EML6: variants seen among roughly 807,000 people sequenced by gnomAD.
EML6 encodes EMAP like 6, also known as echinoderm microtubule-associated protein-like 6.
A neutral mutation model predicts 240.1 loss-of-function variants in EML6; 154 were observed. The observed-to-expected ratio is 0.64, with a 90% CI of 0.56 to 0.73. EML6 has a LOEUF of 0.73. Ranked by LOEUF, EML6 falls within the 30% of genes least tolerant of loss-of-function variation. The pLI, the probability that EML6 is intolerant of heterozygous loss-of-function variation, is 0.00. For synonymous variants in EML6, 1,148 were observed against 899.0 expected (o/e 1.28, Z -4.95); for missense variants, 2,964 against 2,474.6 (o/e 1.20, Z -4.20).
At chr2:54,798,837 A>G (rs1669959878) in intron 2 of EML6, among the ~76,000 whole-genome samples, 1 of 152,234 alleles carries the variant, frequency 6.6e-6, no homozygotes, top group East Asian at 1.9e-4. Flanking sequence ...AAAAATAAAA[A>G]TCCTTGCCTT....
intron 2 of EML6, among the ~76,000 whole-genome samples, chr2:54,748,107 C>A (rs1322015296): frequency 6.6e-6 from 1 of 152,032 alleles, no homozygotes; most frequent in Non-Finnish European, 1.5e-5. Flanking sequence ...TTTATTAATT[C>A]TGGCAAGACA....
At chr2:54,925,904 C>T (rs948485265) in intron 26 of EML6, among the ~76,000 whole-genome samples, 1 of 152,160 alleles carries the variant, frequency 6.6e-6, no homozygotes, top group African/African-American at 2.4e-5. Flanking sequence ...TAAAACCCTC[C>T]ATGCCCTCAA....
rs1352116284 is a variant in EML6 at position 54,790,720 on chromosome 2, TTTCC to T, written c.198-22509_198-22506del. On this transcript the variant is annotated intron_variant, in intron 2 of 41. Transcript: ENST00000356458. ...GTATAGAGGACATTGGTAACTTAAT[TTTCC>T]TTTTTTTTTTTTTTTTTTTGAGACG... 2.9e-5 allele frequency among the ~76,000 whole-genome samples: 4 copies of T among 140,086 alleles called. No individual in the cohort carries two copies. The East Asian group carries it at 8.5e-4, about 30-fold the overall frequency. 91.9% of individuals were successfully genotyped at this position (140,086 alleles called of 152,430 possible).
rs151221673 is a variant in EML6, at chr2:54,930,803, A to G, written c.4004+2052A>G. Among the ~76,000 whole-genome samples the G allele has an allele frequency of 2.7e-3, 415 of 152,220 alleles. 3 individuals carry two copies. The highest frequency in any genetic ancestry group is 4.8e-3 in the Non-Finnish European group (325 of 68,002). On this transcript the variant is annotated intron_variant, in intron 28 of 41. Transcript: ENST00000356458. ...GGAGCAGAGTGGGGCCCTGCCAGGT[A>G]GGGTCAGCTAGTAAAGAGCAATAAA...
intron 2 of EML6, among the ~76,000 whole-genome samples, chr2:54,783,599 G>A (rs1241560646): frequency 2.0e-5 from 3 of 151,800 alleles, no homozygotes; most frequent in African/African-American, 4.9e-5. Context: ...AGAATTGTCC[G>A]TGTAATTAGC....
chr2:54,741,069 G>C (rs1440563947), intron 2 of EML6, among the ~76,000 whole-genome samples: 1 of 152,110 alleles, frequency 6.6e-6, no homozygotes, highest in Non-Finnish European at 1.5e-5. Flanking sequence ...CTCTGTAAAT[G>C]ACAGTGCAGG....
chr2:54,895,046 A>T lies in EML6; in HGVS notation c.2854+20A>T, dbSNP rs926909918. 3 of 1,502,808 alleles carry T rather than the reference A, an allele frequency of 2.0e-6. No homozygotes were observed. Among genetic ancestry groups the T allele is most frequent in the Middle Eastern group, 3.4e-4 (2 of 5,902 alleles). 93.1% of individuals were successfully genotyped at this position (1,502,808 alleles called of 1,614,324 possible). On this transcript the variant is annotated intron_variant, in intron 20 of 41. Coordinates refer to ENST00000356458, the MANE Select transcript of EML6 (RefSeq NM_001039753.4). ...CAAAAGGTGCCACTCCCAAACATGTAATAGAGATCTTTGTATTCATAGGGA... is the reference window on the plus strand; with the variant it reads ...CAAAAGGTGCCACTCCCAAACATGTTATAGAGATCTTTGTATTCATAGGGA...
intron 11 of EML6, among the ~76,000 whole-genome samples, chr2:54,855,852 G>A (rs1670346817): frequency 1.3e-5 from 2 of 152,170 alleles, no homozygotes; most frequent in Non-Finnish European, 2.9e-5. Flanking sequence ...AATTGTTGAT[G>A]GGAATACTAG....
At chr2:54,816,310 T>G (rs1037276563) in intron 3 of EML6, among the ~76,000 whole-genome samples, 3 of 152,246 alleles carry the variant, frequency 2.0e-5, no homozygotes, top group African/African-American at 7.2e-5. Flanking sequence ...TGTAGTCACC[T>G]TAAATGTTTG....
At chr2:54,914,814 A>C (rs1558681276) in intron 25 of EML6, among the ~76,000 whole-genome samples, 2 of 152,190 alleles carry the variant, frequency 1.3e-5, no homozygotes, top group Non-Finnish European at 2.9e-5. Context: ...CAATCATGGT[A>C]AACTAATAAA....
At chr2:54,771,182 G>T (rs569970295) in intron 2 of EML6, among the ~76,000 whole-genome samples, 2 of 152,212 alleles carry the variant, frequency 1.3e-5, no homozygotes, top group East Asian at 3.9e-4. Context: ...CACATTTTTG[G>T]AGTTATAATT....
chr2:54,780,993 C>T (rs967173345), intron 2 of EML6, among the ~76,000 whole-genome samples: 6 of 152,096 alleles, frequency 3.9e-5, no homozygotes, highest in African/African-American at 9.7e-5. Flanking sequence ...TATGTAAAAA[C>T]GTGAAAGGTA....
chr2:54,951,133 C>A (rs755902011), intron 30 of EML6, among the ~76,000 whole-genome samples: 12 of 152,172 alleles, frequency 7.9e-5, no homozygotes, highest in Non-Finnish European at 1.3e-4. Context: ...AGAACTTTGC[C>A]TATTCATTTT....
chr2:54,920,450 A>G (rs1326859410), intron 26 of EML6, among the ~76,000 whole-genome samples: 1 of 152,198 alleles, frequency 6.6e-6, no homozygotes, highest in East Asian at 1.9e-4. Flanking sequence ...GCCTACCAAA[A>G]CTGAAGTGCA....
At chr2:54,851,490 G>T (rs142477511) in intron 10 of EML6, among the ~76,000 whole-genome samples, 37 of 151,400 alleles carry the variant, frequency 2.4e-4, no homozygotes, top group African/African-American at 8.7e-4. Context: ...TTAAAATTCT[G>T]TGATAAAGAC....
intron 2 of EML6, among the ~76,000 whole-genome samples, chr2:54,805,633 A>T (rs1670428141): frequency 1.3e-5 from 2 of 151,672 alleles, no homozygotes; most frequent in Non-Finnish European, 2.9e-5. Flanking sequence ...TGTGTTTTGC[A>T]TTTTCATTTT....
At chr2:54,966,110 C>T (rs1329923830) in intron 38 of EML6, among the ~76,000 whole-genome samples, 1 of 152,326 alleles carries the variant, frequency 6.6e-6, no homozygotes. Context: ...TGCTCTATAA[C>T]AGAGAAGACA....
intron 22 of EML6, among the ~76,000 whole-genome samples, chr2:54,900,159 A>G (rs1055033755): frequency 1.3e-5 from 2 of 152,202 alleles, no homozygotes; most frequent in African/African-American, 4.8e-5. Context: ...ACAAACATCA[A>G]TTATATAGAA....
intron 2 of EML6, among the ~76,000 whole-genome samples, chr2:54,806,508 G>C (rs184965257): frequency 6.7e-6 from 1 of 150,306 alleles, no homozygotes; most frequent in East Asian, 2.0e-4. Flanking sequence ...AACTACTCGG[G>C]ATGCTGAGGC....
Sources: allele counts gnomAD v4.1 joint callset (sites outside exome capture counted in the v4.1 genomes callset), GRCh38; gene constraint gnomAD v4.1.1; transcripts MANE v1.5; gene names NCBI Gene and HGNC (gene_info 2026-07-23, HGNC 2026-07-21).